Variants in LARGE1 observed in about 807,000 individuals in gnomAD.
LARGE1 encodes the protein LARGE xylosyl- and glucuronyltransferase 1, also known as xylosyl- and glucuronyltransferase LARGE1.
LARGE1 carries 43 observed loss-of-function variants against 87.6 expected under a neutral mutation model. That is an observed-to-expected ratio of 0.49 (90% CI 0.38 to 0.63). The LOEUF (loss-of-function observed/expected upper bound fraction) is 0.63, where lower values mean the gene tolerates loss of function less well. Among genes scored for constraint, LARGE1 ranks in the 30% least tolerant of loss-of-function variants. LARGE1 has a pLI of 0.00. For synonymous variants in LARGE1, 434 were observed against 394.6 expected, an observed-to-expected ratio of 1.10 and a Z score of -1.18; for missense variants, 802 against 1,000.2, an observed-to-expected ratio of 0.80 and a Z score of 2.67.
chr22:33,245,500 C>T (rs566707771), intron 11 of LARGE1, among the ~76,000 whole-genome samples: 4 of 152,326 alleles, frequency 2.6e-5, no homozygotes, highest in Non-Finnish European at 5.9e-5. Flanking sequence ...CTCTTGGTAG[C>T]CATTAGTTTG....
At chr22:33,099,094 A>G in the LARGE1 span, among the ~76,000 whole-genome samples, 6 of 151,928 alleles carry the variant, frequency 3.9e-5, no homozygotes, top group African/African-American at 1.5e-4. Flanking sequence ...CTCTTAATCT[A>G]GTTTGTGTCA....
chr22:33,818,213 C>A (rs2086714437), intron 1 of LARGE1, among the ~76,000 whole-genome samples: 1 of 152,174 alleles, frequency 6.6e-6, no homozygotes, highest in Admixed American at 6.5e-5. Context: ...CCCCTCAAGT[C>A]ACTTACCAAA....
At chr22:33,471,893 T>G (rs1240431260) in intron 6 of LARGE1, among the ~76,000 whole-genome samples, 1 of 152,036 alleles carries the variant, frequency 6.6e-6, no homozygotes, top group East Asian at 1.9e-4. Flanking sequence ...CTACTAAAAA[T>G]ACAAAAATTA....
chr22:33,506,812 A>G (rs2070785864), intron 6 of LARGE1, among the ~76,000 whole-genome samples: 2 of 152,166 alleles, frequency 1.3e-5, no homozygotes, highest in Admixed American at 1.3e-4. Flanking sequence ...GAGGCAAGAG[A>G]ATCGCTTGAA....
chr22:33,377,403 C>T (rs1231339033), intron 9 of LARGE1, among the ~76,000 whole-genome samples: 1 of 152,222 alleles, frequency 6.6e-6, no homozygotes, highest in Non-Finnish European at 1.5e-5. Flanking sequence ...AAATCCTCTT[C>T]ATTTTTCCTT....
chr22:33,657,917 A>C, intron 2 of LARGE1, among the ~76,000 whole-genome samples: 1 of 150,574 alleles, frequency 6.6e-6, no homozygotes, highest in African/African-American at 2.5e-5. Context: ...GGGTATTCTC[A>C]CTATTTCCAT....
At chr22:33,659,354 T>C (rs1255744022) in intron 2 of LARGE1, among the ~76,000 whole-genome samples, 1 of 152,180 alleles carries the variant, frequency 6.6e-6, no homozygotes, top group Non-Finnish European at 1.5e-5. Flanking sequence ...GTAAATTAAA[T>C]ATTGCAGCCA....
chr22:33,646,856 T>A (rs1314773735), intron 3 of LARGE1, among the ~76,000 whole-genome samples: 1 of 152,220 alleles, frequency 6.6e-6, no homozygotes, highest in Non-Finnish European at 1.5e-5. Context: ...GCCTCCCAAG[T>A]AGCTGGGATT....
chr22:33,446,770 A>G (rs1425573563), intron 6 of LARGE1, among the ~76,000 whole-genome samples: 1 of 152,204 alleles, frequency 6.6e-6, no homozygotes, highest in African/African-American at 2.4e-5. Flanking sequence ...ACAGGCGGGC[A>G]GGACCATCCT....
intron 11 of LARGE1, among the ~76,000 whole-genome samples, chr22:33,311,019 G>C (rs1363246730): frequency 6.6e-6 from 1 of 151,368 alleles, no homozygotes; most frequent in African/African-American, 2.4e-5. Context: ...GGAGTGCAGT[G>C]GCACGATCTC....
At chr22:33,392,021 G>A (rs1362791455) in intron 7 of LARGE1, among the ~76,000 whole-genome samples, 4 of 151,632 alleles carry the variant, frequency 2.6e-5, no homozygotes, top group South Asian at 4.2e-4. Context: ...CACCTGCCTC[G>A]GCCTCCCCAA....
At chr22:33,478,729 T>C (rs1438530340) in intron 6 of LARGE1, among the ~76,000 whole-genome samples, 2 of 152,172 alleles carry the variant, frequency 1.3e-5, no homozygotes, top group Non-Finnish European at 2.9e-5. Context: ...TCTGGCACAA[T>C]GCCTAGGAGG....
chr22:33,490,451 G>A (rs537177185), intron 6 of LARGE1, among the ~76,000 whole-genome samples: 2 of 152,316 alleles, frequency 1.3e-5, no homozygotes, highest in South Asian at 2.1e-4. Flanking sequence ...TTAGCCCAGT[G>A]CCAAGAACAT....
chr22:33,728,796 C>T (rs2083362106), intron 2 of LARGE1, among the ~76,000 whole-genome samples: 1 of 152,152 alleles, frequency 6.6e-6, no homozygotes, highest in Non-Finnish European at 1.5e-5. Context: ...CAATAATTAT[C>T]AAGTCTACAA....
At chr22:33,699,744 G>C (rs779712843) in intron 2 of LARGE1, among the ~76,000 whole-genome samples, 13 of 151,956 alleles carry the variant, frequency 8.6e-5, no homozygotes, top group Non-Finnish European at 1.9e-4. Context: ...AAGATTCAAA[G>C]GGATAAAAAA....
the LARGE1 span, among the ~76,000 whole-genome samples, chr22:33,151,222 ATT>A: frequency 1.3e-5 from 2 of 152,094 alleles, no homozygotes; most frequent in African/African-American, 2.4e-5. Context: ...AATTTATAGT[ATT>A]GTTTTTTAAA....
At chr22:33,187,188 C>T (rs1923520721) in intron 11 of LARGE1, among the ~76,000 whole-genome samples, 1 of 152,166 alleles carries the variant, frequency 6.6e-6, no homozygotes, top group East Asian at 1.9e-4. Flanking sequence ...GTATTTGGTC[C>T]TCCATGTTCA....
At chr22:33,857,736 G>A (rs1427371145) in intron 1 of LARGE1, among the ~76,000 whole-genome samples, 3 of 152,314 alleles carry the variant, frequency 2.0e-5, no homozygotes, top group East Asian at 1.9e-4. Flanking sequence ...TAGCCTCCAG[G>A]AAACAACAGA....
intron 11 of LARGE1, chr22:33,305,679 C>T (rs1934779213): frequency 2.5e-6 from 2 of 786,386 alleles, no homozygotes; most frequent in Non-Finnish European, 1.5e-6. Flanking sequence ...TTTTTGATGA[C>T]TTCCAGAGTT....
Sources: allele counts gnomAD v4.1 joint callset (sites outside exome capture counted in the v4.1 genomes callset), GRCh38; gene constraint gnomAD v4.1.1; transcripts MANE v1.5; gene names NCBI Gene and HGNC (gene_info 2026-07-23, HGNC 2026-07-21).